Variants in PAPPA2 observed in about 807,000 individuals in gnomAD.
PAPPA2 encodes the protein pappalysin 2.
Under a neutral mutation model 176.4 loss-of-function variants are expected in PAPPA2, and 86 were observed. The ratio of observed to expected loss-of-function variants is 0.49; its 90% confidence interval spans 0.41 to 0.58. The LOEUF is 0.58. Among genes scored for constraint, PAPPA2 ranks in the 20% least tolerant of loss-of-function variants. The pLI is 0.00. For synonymous variants in PAPPA2, 809 were observed against 852.2 expected (o/e 0.95, Z 0.88); for missense variants, 2,073 against 2,256.9 (o/e 0.92, Z 1.65).
At chr1:176,548,186 A>T (rs1650742867) in intron 1 of PAPPA2, among the ~76,000 whole-genome samples, 1 of 152,184 alleles carries the variant, frequency 6.6e-6, no homozygotes, top group South Asian at 2.1e-4. Context: ...AGAAAACATA[A>T]CATGTATTTA....
intron 14 of PAPPA2, among the ~76,000 whole-genome samples, chr1:176,757,586 G>T (rs1004186420): frequency 1.3e-5 from 2 of 152,148 alleles, no homozygotes; most frequent in Middle Eastern, 6.8e-3. Context: ...TAAGTTCTTT[G>T]TAGATTCTGG....
intron 1 of PAPPA2, among the ~76,000 whole-genome samples, chr1:176,487,727 C>T (rs1652709708): frequency 6.6e-6 from 1 of 152,068 alleles, no homozygotes; most frequent in African/African-American, 2.4e-5. Flanking sequence ...AGGCCAAAGA[C>T]AAATAAAATG....
chr1:176,493,873 G>C (rs1331722305), intron 1 of PAPPA2, among the ~76,000 whole-genome samples: 6 of 152,126 alleles, frequency 3.9e-5, no homozygotes, highest in African/African-American at 7.2e-5. Context: ...ATATGACTTT[G>C]AATAGCTGGT....
intron 4 of PAPPA2, among the ~76,000 whole-genome samples, chr1:176,674,306 G>C (rs1659168096): frequency 6.6e-6 from 1 of 152,012 alleles, no homozygotes; most frequent in African/African-American, 2.4e-5. Context: ...GGTGGTGTTT[G>C]GTTACATGGA....
chr1:176,630,794 A>C lies in PAPPA2; in HGVS notation c.1991+35199A>C, dbSNP rs572808677. 2.6e-5 allele frequency among the ~76,000 whole-genome samples: 4 copies of C among 152,324 alleles called. No homozygotes were observed. The East Asian group carries it at 7.7e-4, about 29-fold the overall frequency. ...TTTGTCATCATAAAGAATTGATGAGAAGCAGCTCGTTTGGGAGTGGGAAGT... is the reference window on the plus strand; with the variant it reads ...TTTGTCATCATAAAGAATTGATGAGCAGCAGCTCGTTTGGGAGTGGGAAGT... On this transcript the variant is annotated intron_variant, in intron 3 of 22. Transcript: ENST00000367662.
intron 3 of PAPPA2, among the ~76,000 whole-genome samples, chr1:176,615,806 T>G (rs1196555337): frequency 1.3e-5 from 2 of 152,200 alleles, no homozygotes; most frequent in Non-Finnish European, 2.9e-5. Flanking sequence ...TTTCAATGTT[T>G]GAAATGACTG....
At chr1:176,683,181 C>T (rs1193794617) in intron 4 of PAPPA2, among the ~76,000 whole-genome samples, 1 of 152,098 alleles carries the variant, frequency 6.6e-6, no homozygotes, top group Non-Finnish European at 1.5e-5. Flanking sequence ...TGGCTGTTTA[C>T]TACTAAGATT....
intron 1 of PAPPA2, among the ~76,000 whole-genome samples, chr1:176,484,271 T>C (rs1465081134): frequency 6.6e-6 from 1 of 152,222 alleles, no homozygotes; most frequent in Non-Finnish European, 1.5e-5. Flanking sequence ...TTTCAGGACT[T>C]TTCTTTGCCT....
intron 1 of PAPPA2, among the ~76,000 whole-genome samples, chr1:176,538,535 G>T (rs946176437): frequency 6.6e-6 from 1 of 152,178 alleles, no homozygotes; most frequent in Non-Finnish European, 1.5e-5. Flanking sequence ...AACCAAGTTA[G>T]ATTTTCCGCT....
rs1458313960 is a variant in PAPPA2, at chr1:176,789,896, G to A, written c.4803G>A (p.Val1601=). The part of the protein sequence containing the change: ...IPVVCEPPPP[V]FEGMYECTNG... ...TGGTGTGTGAGCCACCCCCTCCTGT[G>A]TTTGAAGGCATGTATGAATGTACCA... Residue 1601 remains valine, a synonymous_variant, in exon 18 of 23, where the codon GTG becomes GTA. Coordinates refer to ENST00000367662, the MANE Select transcript of PAPPA2 (RefSeq NM_020318.3). The A allele has an allele frequency of 6.2e-7, 1 of 1,614,166 alleles. No homozygotes were observed. The highest frequency in any genetic ancestry group is 8.5e-7 in the Non-Finnish European group (1 of 1,180,014).
chr1:176,699,651 T>C lies in PAPPA2; in HGVS notation c.3236+62T>C, dbSNP rs1660556206. Reference sequence around the variant, plus strand: ...CTCTGGGGGTGGGTTTTGTTACTTTTCCCCCACTTTTTAATATTCAGCCAT... The same window carrying C: ...CTCTGGGGGTGGGTTTTGTTACTTTCCCCCCACTTTTTAATATTCAGCCAT... On this transcript the variant is annotated intron_variant, in intron 8 of 22. Transcript: ENST00000367662. 3.3e-6 allele frequency: 5 copies of C among 1,520,984 alleles called. No individual in the cohort carries two copies. In the South Asian group the frequency reaches 5.3e-5, roughly 16 times the overall value. The allele number at this position is 1,520,984 out of a possible 1,614,324, so 94.2% of individuals were successfully genotyped here.
At chr1:176,569,862 G>A (rs976343148) in intron 2 of PAPPA2, among the ~76,000 whole-genome samples, 9 of 152,162 alleles carry the variant, frequency 5.9e-5, no homozygotes, top group African/African-American at 2.2e-4. Flanking sequence ...AGATGACTAG[G>A]AAGTTTAAAT....
At chr1:176,714,383 A>G (rs1311325257) in intron 12 of PAPPA2, among the ~76,000 whole-genome samples, 1 of 151,974 alleles carries the variant, frequency 6.6e-6, no homozygotes, top group Non-Finnish European at 1.5e-5. Context: ...TTTCTCTTCA[A>G]TTGGGAGACT....
At chr1:176,790,210 T>TACC (rs1353144212) in intron 18 of PAPPA2, among the ~76,000 whole-genome samples, 1 of 152,096 alleles carries the variant, frequency 6.6e-6, no homozygotes, top group East Asian at 1.9e-4. Flanking sequence ...ATGGGTAGAG[T>TACC]ACCAGGTATA....
chr1:176,614,741 A>T lies in PAPPA2; in HGVS notation c.1991+19146A>T, dbSNP rs188364047. On this transcript the variant is annotated intron_variant, in intron 3 of 22. Coordinates refer to ENST00000367662, the MANE Select transcript of PAPPA2 (RefSeq NM_020318.3). ...TTTTTACAAGCTGGTAAACACTGAC[A>T]AATTATTTCTCCCACAGTACTATAA... is the stretch of plus-strand genomic sequence containing the variant. Among the ~76,000 whole-genome samples the T allele has an allele frequency of 1.5e-4, 23 of 152,342 alleles. No homozygotes were observed. The East Asian group carries it at 2.1e-3, about 14-fold the overall frequency.
At chr1:176,730,787 A>G (rs1030433223) in intron 12 of PAPPA2, among the ~76,000 whole-genome samples, 1 of 152,086 alleles carries the variant, frequency 6.6e-6, no homozygotes, top group African/African-American at 2.4e-5. Context: ...ATTGTGACAT[A>G]TAAGGATTTT....
Position 176,771,133 on chromosome 1 carries a change from C to A in PAPPA2, c.4668C>A (p.Cys1556Ter). The A allele has an allele frequency of 6.2e-7, 1 of 1,614,196 alleles. No individual in the cohort carries two copies. The highest frequency in any genetic ancestry group is 8.5e-7 in the Non-Finnish European group (1 of 1,180,030). ...TGGGCACCATCTGCAAATATGAATGCAAACCAGGGTACTATGTGGCAGAAA... is the reference window on the plus strand; with the variant it reads ...TGGGCACCATCTGCAAATATGAATGAAAACCAGGGTACTATGTGGCAGAAA... ...HDVGTICKYE[C>*]KPGYYVAESA... The change falls in exon 17 of 23, where the codon TGC (cysteine) becomes TGA (stop). Residue 1556 changes from cysteine to a stop codon, truncating the protein, a stop_gained. Transcript: ENST00000367662. LOFTEE classifies it high-confidence loss of function.
At chr1:176,714,803 A>G (rs1456221708) in intron 12 of PAPPA2, among the ~76,000 whole-genome samples, 1 of 152,104 alleles carries the variant, frequency 6.6e-6, no homozygotes, top group Admixed American at 6.5e-5. Context: ...TCTTCTAAGG[A>G]CCTACTAGAC....
intron 2 of PAPPA2, among the ~76,000 whole-genome samples, chr1:176,587,390 C>G (rs1653382815): frequency 6.6e-6 from 1 of 152,092 alleles, no homozygotes. Context: ...ATGGTAATGC[C>G]TAGGTTTTCT....
Sources: allele counts gnomAD v4.1 joint callset (sites outside exome capture counted in the v4.1 genomes callset), GRCh38; gene constraint gnomAD v4.1.1; transcripts MANE v1.5; gene names NCBI Gene and HGNC (gene_info 2026-07-23, HGNC 2026-07-21).